FHOD3: variants seen among roughly 807,000 people sequenced by gnomAD.
The protein encoded by FHOD3 is FH1/FH2 domain-containing protein 3.
A neutral mutation model predicts 173.0 loss-of-function variants in FHOD3; 90 were observed. The ratio of observed to expected loss-of-function variants is 0.52; its 90% CI spans 0.44 to 0.62. The LOEUF (loss-of-function observed/expected upper bound fraction) is 0.62. Ranked by LOEUF, FHOD3 falls within the 20% of genes least tolerant of loss-of-function variation. The probability of loss-of-function intolerance (pLI) is 0.00; values close to 1 mark genes in which losing one functional copy is unlikely to be tolerated. For missense variants in FHOD3, 1,945 were observed against 2,034.7 expected, an observed-to-expected ratio of 0.96 and a Z score of 0.85; for synonymous variants, 828 against 823.0, an observed-to-expected ratio of 1.01 and a Z score of -0.10.
chr18:36,469,903 C>T (rs1215549173), intron 3 of FHOD3, among the ~76,000 whole-genome samples: 4 of 152,170 alleles, frequency 2.6e-5, no homozygotes, highest in East Asian at 1.9e-4. Flanking sequence ...AATCAAGCCA[C>T]GTTCATGCAT....
chr18:36,406,558 T>C (rs2146788070), intron 3 of FHOD3, among the ~76,000 whole-genome samples: 1 of 152,212 alleles, frequency 6.6e-6, no homozygotes, highest in Admixed American at 6.5e-5. Flanking sequence ...TGTGTTTGGG[T>C]TAGCAAACTC....
intron 1 of FHOD3, among the ~76,000 whole-genome samples, chr18:36,309,701 G>T (rs920295907): frequency 2.6e-5 from 4 of 152,226 alleles, no homozygotes; most frequent in African/African-American, 9.6e-5. Flanking sequence ...AGCACCATGT[G>T]CCTGGGAGCA....
intron 1 of FHOD3, among the ~76,000 whole-genome samples, chr18:36,300,388 G>A (rs1370332967): frequency 6.6e-6 from 1 of 152,228 alleles, no homozygotes; most frequent in African/African-American, 2.4e-5. Flanking sequence ...ACAGGTGAAT[G>A]TTATAAATGA....
At chr18:36,380,587 C>CCTTTCCTTTCCTTTG (rs2047721309) in intron 3 of FHOD3, among the ~76,000 whole-genome samples, 1 of 113,270 alleles carries the variant, frequency 8.8e-6, no homozygotes, top group Non-Finnish European at 1.9e-5. Context: ...CTTTTCCTTT[C>CCTTTCCTTTCCTTTG]CTTTCCTTTC....
At chr18:36,752,861 C>T (rs2042463532) in intron 24 of FHOD3, among the ~76,000 whole-genome samples, 1 of 152,190 alleles carries the variant, frequency 6.6e-6, no homozygotes, top group Non-Finnish European at 1.5e-5. Context: ...TAGCTAGCTG[C>T]AGGCTGATGG....
chr18:36,668,611 C>T (rs1183675970), intron 14 of FHOD3, among the ~76,000 whole-genome samples: 1 of 151,918 alleles, frequency 6.6e-6, no homozygotes, highest in African/African-American at 2.4e-5. Context: ...CTAATATAGG[C>T]ATTCAGTGTT....
intron 5 of FHOD3, among the ~76,000 whole-genome samples, chr18:36,515,470 G>T (rs776107552): frequency 2.0e-5 from 3 of 152,178 alleles, no homozygotes; most frequent in Non-Finnish European, 2.9e-5. Flanking sequence ...ACCCGCCTCT[G>T]CCTCCCAAAG....
intron 28 of FHOD3, chr18:36,778,678 T>A (rs572965044): frequency 6.4e-4 from 97 of 152,084 alleles, no homozygotes; most frequent in African/African-American, 2.2e-3. Flanking sequence ...CCAGTGAGAG[T>A]GGTCATTGGC....
At chr18:36,574,231 C>T (rs1359302652) in intron 5 of FHOD3, among the ~76,000 whole-genome samples, 4 of 152,198 alleles carry the variant, frequency 2.6e-5, no homozygotes, top group African/African-American at 9.6e-5. Flanking sequence ...CTACCACCAG[C>T]AATGCATGAA....
At chr18:36,379,124 T>G (rs1464738747) in intron 3 of FHOD3, among the ~76,000 whole-genome samples, 1 of 152,222 alleles carries the variant, frequency 6.6e-6, no homozygotes, top group African/African-American at 2.4e-5. Context: ...AAAGAGTGGC[T>G]TTACCATCTA....
At chr18:36,522,890 G>A (rs1004183220) in intron 5 of FHOD3, among the ~76,000 whole-genome samples, 1 of 152,188 alleles carries the variant, frequency 6.6e-6, no homozygotes, top group African/African-American at 2.4e-5. Flanking sequence ...GATGTGGAGG[G>A]CTTTTACTTG....
chr18:36,364,403 C>T (rs960815734), intron 2 of FHOD3, among the ~76,000 whole-genome samples: 2 of 152,126 alleles, frequency 1.3e-5, no homozygotes, highest in African/African-American at 4.8e-5. Flanking sequence ...GGAGTGCACG[C>T]CCATTTCTGT....
At chr18:36,379,900 A>T (rs1299665421) in intron 3 of FHOD3, among the ~76,000 whole-genome samples, 1 of 152,224 alleles carries the variant, frequency 6.6e-6, no homozygotes, top group Non-Finnish European at 1.5e-5. Flanking sequence ...TGTCTTATTT[A>T]TAGAAATTTT....
intron 28 of FHOD3, among the ~76,000 whole-genome samples, chr18:36,777,276 C>G (rs776016254): frequency 3.6e-4 from 53 of 148,420 alleles, no homozygotes; most frequent in Non-Finnish European, 6.1e-4. Flanking sequence ...CATCTCGGCT[C>G]ACCGCAACCT....
chr18:36,677,523 G>A (rs1217629652), intron 14 of FHOD3, among the ~76,000 whole-genome samples: 4 of 152,188 alleles, frequency 2.6e-5, no homozygotes, highest in Non-Finnish European at 5.9e-5. Flanking sequence ...CCACAGATGT[G>A]TAATAACACA....
At chr18:36,570,638 A>G (rs1210443567) in intron 5 of FHOD3, among the ~76,000 whole-genome samples, 1 of 152,138 alleles carries the variant, frequency 6.6e-6, no homozygotes, top group Admixed American at 6.5e-5. Flanking sequence ...CTCAACAAAT[A>G]TTAGTAAATC....
chr18:36,730,365 T>G (rs1281136009), intron 19 of FHOD3, among the ~76,000 whole-genome samples: 1 of 152,124 alleles, frequency 6.6e-6, no homozygotes, highest in Non-Finnish European at 1.5e-5. Context: ...AAAAACAGAT[T>G]TTTTTTTCTT....
At chr18:36,668,617 G>T (rs1442428938) in intron 14 of FHOD3, among the ~76,000 whole-genome samples, 1 of 151,898 alleles carries the variant, frequency 6.6e-6, no homozygotes, top group Non-Finnish European at 1.5e-5. Context: ...TAGGCATTCA[G>T]TGTTACAAAT....
chr18:36,388,449 T>A (rs1036658162), intron 3 of FHOD3, among the ~76,000 whole-genome samples: 1 of 152,212 alleles, frequency 6.6e-6, no homozygotes, highest in African/African-American at 2.4e-5. Flanking sequence ...GCGCCAGTTG[T>A]GTTCATGTCC....
Sources: allele counts gnomAD v4.1 joint callset (sites outside exome capture counted in the v4.1 genomes callset), GRCh38; gene constraint gnomAD v4.1.1; transcripts MANE v1.5; gene names NCBI Gene and HGNC (gene_info 2026-07-23, HGNC 2026-07-21).